Variants in CEP162 observed in about 807,000 individuals in gnomAD.
The protein encoded by CEP162 is centrosomal protein of 162 kDa.
CEP162 carries 141 observed loss-of-function variants against 169.2 expected under a neutral mutation model. The ratio of observed to expected loss-of-function variants is 0.83; its 90% confidence interval spans 0.73 to 0.96. The LOEUF is 0.96. Among genes scored for constraint, CEP162 ranks in the 40% least tolerant of loss-of-function variants. The pLI, the probability that CEP162 is intolerant of heterozygous loss-of-function variation, is 0.00. For synonymous variants in CEP162, 540 were observed against 526.4 expected, an observed-to-expected ratio of 1.03 and a Z score of -0.35; for missense variants, 1,600 against 1,587.2, an observed-to-expected ratio of 1.01 and a Z score of -0.14.
intron 18 of CEP162, among the ~76,000 whole-genome samples, chr6:84,165,535 T>C (rs1286397593): frequency 6.6e-6 from 1 of 152,132 alleles, no homozygotes; most frequent in East Asian, 1.9e-4. Context: ...TTGTTTCCTA[T>C]GACACTGATT....
At chr6:84,179,101 A>C (rs1030294023) in intron 13 of CEP162, among the ~76,000 whole-genome samples, 3 of 152,140 alleles carry the variant, frequency 2.0e-5, no homozygotes, top group African/African-American at 4.8e-5. Flanking sequence ...TGCTATTGTG[A>C]ATAGTGCCGC....
At chr6:84,173,011 A>G (rs962605872) in intron 16 of CEP162, among the ~76,000 whole-genome samples, 1 of 152,190 alleles carries the variant, frequency 6.6e-6, no homozygotes, top group African/African-American at 2.4e-5. Flanking sequence ...TAGGACCCAA[A>G]GATTTTCTTG....
chr6:84,208,699 T>C (rs148584906), intron 6 of CEP162, among the ~76,000 whole-genome samples: 176 of 152,374 alleles, frequency 1.2e-3, no homozygotes, highest in Non-Finnish European at 7.3e-4. Flanking sequence ...GGTTAGTTGG[T>C]TAACTATGTC....
intron 11 of CEP162, among the ~76,000 whole-genome samples, chr6:84,187,684 AC>A (rs1218514941): frequency 6.6e-6 from 1 of 152,192 alleles, no homozygotes; most frequent in African/African-American, 2.4e-5. Flanking sequence ...GAAACTGATA[AC>A]TAGAGTCTGG....
chr6:84,186,541 C>T lies in CEP162; in HGVS notation c.1192G>A (p.Asp398Asn), dbSNP rs565237860. 2 of 1,612,762 alleles carry T rather than the reference C, an allele frequency of 1.2e-6. No homozygotes were observed. Among genetic ancestry groups the T allele is most frequent in the South Asian group, 2.2e-5 (2 of 90,966 alleles). ...LKMNPNILSQ[D>N]SQHVNLFFDK... is the part of the protein sequence containing the mutation. ...AAAAAAAGGTTCACATGTTGTGAGT[C>T]TTGAGACAAAATATTTGGGTTCATC... is the stretch of plus-strand genomic sequence containing the variant. Residue 398 changes from aspartate (D) to asparagine (N), a missense_variant, in exon 12 of 27, where the codon GAC becomes AAC. By Grantham distance (23) the Asp-to-Asn change is conservative. Coordinates refer to ENST00000403245, the MANE Select transcript of CEP162 (RefSeq NM_014895.4).
At chr6:84,165,365 T>C (rs992803537) in intron 18 of CEP162, among the ~76,000 whole-genome samples, 1 of 152,064 alleles carries the variant, frequency 6.6e-6, no homozygotes, top group Non-Finnish European at 1.5e-5. Context: ...CTACATTCTA[T>C]ACTACTCTCA....
At chr6:84,225,782 G>A (rs74645027) in intron 2 of CEP162, among the ~76,000 whole-genome samples, 2,734 of 151,966 alleles carry the variant, frequency 0.018, 71 homozygotes, top group African/African-American at 0.062. Flanking sequence ...ACCTTTTACT[G>A]GATAAACAGA....
intron 18 of CEP162, among the ~76,000 whole-genome samples, chr6:84,166,321 A>G (rs1009862433): frequency 6.6e-6 from 1 of 152,198 alleles, no homozygotes; most frequent in Non-Finnish European, 1.5e-5. Context: ...TCTGGCTTGA[A>G]GCCTGAATCT....
chr6:84,133,990 A>G (rs1034055239), intron 25 of CEP162, among the ~76,000 whole-genome samples: 5 of 152,022 alleles, frequency 3.3e-5, no homozygotes, highest in Non-Finnish European at 1.5e-5. Flanking sequence ...GCCATCTTGC[A>G]TTTCAGATGG....
At chr6:84,218,470 A>T (rs532641892) in intron 3 of CEP162, among the ~76,000 whole-genome samples, 2 of 152,366 alleles carry the variant, frequency 1.3e-5, no homozygotes, top group South Asian at 2.1e-4. Context: ...TTTTAATAGT[A>T]TATGTTTGTT....
At chr6:84,136,722 A>G (rs557987227) in intron 25 of CEP162, among the ~76,000 whole-genome samples, 2 of 151,466 alleles carry the variant, frequency 1.3e-5, no homozygotes, top group Admixed American at 6.5e-5. Context: ...AAATCAATGA[A>G]AAAAAATGCT....
chr6:84,196,518 T>G (rs187406537), intron 9 of CEP162, among the ~76,000 whole-genome samples: 1 of 152,314 alleles, frequency 6.6e-6, no homozygotes, highest in East Asian at 1.9e-4. Context: ...AAATAATGAT[T>G]GCATATTTTT....
chr6:84,182,117 A>G (rs1487153610), intron 13 of CEP162, among the ~76,000 whole-genome samples: 1 of 152,040 alleles, frequency 6.6e-6, no homozygotes, highest in Admixed American at 6.6e-5. Context: ...TTCTTATAAA[A>G]TATTTTGTCC....
At chr6:84,159,545 A>ATTTTT (rs2099524751) in intron 21 of CEP162, among the ~76,000 whole-genome samples, 2 of 40,082 alleles carry the variant, frequency 5.0e-5, no homozygotes, top group African/African-American at 2.1e-4. Flanking sequence ...ATATATATAT[A>ATTTTT]TATTTTTTTT....
intron 25 of CEP162, among the ~76,000 whole-genome samples, chr6:84,143,542 A>G (rs1314467554): frequency 2.9e-4 from 44 of 152,010 alleles, no homozygotes; most frequent in Admixed American, 2.9e-3. Context: ...TTAAATCTGT[A>G]CTAAAGTAGA....
intron 25 of CEP162, among the ~76,000 whole-genome samples, chr6:84,137,431 A>G (rs1375640032): frequency 2.6e-5 from 4 of 152,216 alleles, no homozygotes; most frequent in Non-Finnish European, 5.9e-5. Flanking sequence ...GACAAATTAC[A>G]GTAAGAATTT....
intron 25 of CEP162, 33 bp downstream of exon 25, chr6:84,146,654 T>G: frequency 9.6e-7 from 1 of 1,037,668 alleles, no homozygotes; most frequent in Non-Finnish European, 1.4e-6. Flanking sequence ...TAAGAAAAAC[T>G]TATTTTAGCC....
At chr6:84,194,185 T>C (rs766086832) in intron 10 of CEP162, among the ~76,000 whole-genome samples, 1 of 151,818 alleles carries the variant, frequency 6.6e-6, no homozygotes, top group South Asian at 2.1e-4. Context: ...CAAAACCCCA[T>C]CTCTACTAAA....
chr6:84,218,145 A>T (rs1465807080), intron 3 of CEP162, among the ~76,000 whole-genome samples: 1 of 152,206 alleles, frequency 6.6e-6, no homozygotes, highest in East Asian at 1.9e-4. Flanking sequence ...TTCCATGAGG[A>T]AGTAACATTT....
Sources: gnomAD v4.1 joint callset for allele counts (sites outside exome capture counted in the v4.1 genomes callset) on GRCh38, gnomAD v4.1.1 for gene constraint, MANE v1.5 for transcripts, NCBI Gene and HGNC (gene_info 2026-07-23, HGNC 2026-07-21) for gene names.